Variants in RIMS2 observed in about 807,000 individuals in gnomAD.
RIMS2 encodes the protein regulating synaptic membrane exocytosis protein 2.
RIMS2 carries 59 observed loss-of-function variants against 174.4 expected under a neutral mutation model. The ratio of observed to expected loss-of-function variants is 0.34; its 90% confidence interval spans 0.27 to 0.42. The LOEUF (loss-of-function observed/expected upper bound fraction) is 0.42. RIMS2 is among the 10% of genes least tolerant of loss of function. RIMS2 has a pLI of 1.00. For synonymous variants in RIMS2, 606 were observed against 572.5 expected (o/e 1.06, Z -0.84); for missense variants, 1,620 against 1,666.3 (o/e 0.97, Z 0.48).
At chr8:103,635,694 C>G (rs1219847143) in intron 1 of RIMS2, among the ~76,000 whole-genome samples, 1 of 152,184 alleles carries the variant, frequency 6.6e-6, no homozygotes, top group South Asian at 2.1e-4. Context: ...TGAGGAGGAG[C>G]AGGATCAGTA....
chr8:104,048,305 G>T (rs766804917), intron 19 of RIMS2, among the ~76,000 whole-genome samples: 1 of 152,134 alleles, frequency 6.6e-6, no homozygotes, highest in Non-Finnish European at 1.5e-5. Flanking sequence ...AACAAGAAAT[G>T]CAGTGGTAAG....
intron 19 of RIMS2, among the ~76,000 whole-genome samples, chr8:104,052,928 C>T (rs72683175): frequency 0.13 from 19,484 of 152,024 alleles, 1,708 homozygotes; most frequent in Non-Finnish European, 0.19. Context: ...AAAGATGAGC[C>T]GGCAAAGTAG....
intron 19 of RIMS2, among the ~76,000 whole-genome samples, chr8:104,153,620 G>A (rs950275048): frequency 6.6e-6 from 1 of 152,114 alleles, no homozygotes; most frequent in Non-Finnish European, 1.5e-5. Context: ...AGCTAAGGAT[G>A]TAATTTAGGA....
intron 19 of RIMS2, among the ~76,000 whole-genome samples, chr8:104,219,042 C>A (rs1424319053): frequency 6.6e-6 from 1 of 152,164 alleles, no homozygotes; most frequent in Non-Finnish European, 1.5e-5. Context: ...ATTTAAAACT[C>A]TGGTGATTTT....
chr8:104,093,842 A>G (rs1055361371), intron 19 of RIMS2, among the ~76,000 whole-genome samples, 199 bp downstream of exon 24: 9 of 152,108 alleles, frequency 5.9e-5, no homozygotes, highest in Non-Finnish European at 1.3e-4. Context: ...ATGTTATGAA[A>G]CTATGGATAA....
intron 14 of RIMS2, among the ~76,000 whole-genome samples, 174 bp from the exon 17 acceptor site, chr8:103,960,891 A>G (rs981771497): frequency 6.6e-6 from 1 of 152,178 alleles, no homozygotes; most frequent in Non-Finnish European, 1.5e-5. Context: ...TCCTCACGTC[A>G]TGAAATGCAT....
At chr8:104,013,700 C>G in intron 18 of RIMS2, 79 bp downstream of exon 20, 1 of 1,159,658 alleles carries the variant, frequency 8.6e-7, no homozygotes, top group South Asian at 1.3e-5. Flanking sequence ...GTTAACTGGT[C>G]TCTTCTATCA....
chr8:104,064,941 A>G (rs973115034), intron 19 of RIMS2, among the ~76,000 whole-genome samples: 3 of 152,066 alleles, frequency 2.0e-5, no homozygotes, highest in Non-Finnish European at 4.4e-5. Flanking sequence ...ACCATATCAA[A>G]CCACTAAGAA....
At chr8:104,145,771 G>A (rs1275975383) in intron 19 of RIMS2, among the ~76,000 whole-genome samples, 1 of 151,870 alleles carries the variant, frequency 6.6e-6, no homozygotes. Context: ...GCTGCGACAG[G>A]AGAATCACTT....
At chr8:103,626,363 G>A (rs1187287894) in intron 1 of RIMS2, among the ~76,000 whole-genome samples, 2 of 151,974 alleles carry the variant, frequency 1.3e-5, no homozygotes, top group Admixed American at 1.3e-4. Context: ...AAAATGAATA[G>A]GGCAGTCATT....
At chr8:103,775,305 A>G (rs1342986811) in intron 3 of RIMS2, among the ~76,000 whole-genome samples, 4 of 152,154 alleles carry the variant, frequency 2.6e-5, no homozygotes, top group Non-Finnish European at 5.9e-5. Flanking sequence ...AAGGGAAATA[A>G]TTTGTAAAAG....
chr8:103,833,075 C>A (rs1464318396), intron 3 of RIMS2, among the ~76,000 whole-genome samples: 1 of 152,088 alleles, frequency 6.6e-6, no homozygotes, highest in South Asian at 2.1e-4. Context: ...CTGAAAAAAT[C>A]TTTTCTTAGT....
intron 3 of RIMS2, among the ~76,000 whole-genome samples, chr8:103,839,163 T>C (rs1349241479): frequency 6.6e-6 from 1 of 152,236 alleles, no homozygotes; most frequent in Non-Finnish European, 1.5e-5. Context: ...TGTGTTATTT[T>C]AAAGCTCTTC....
intron 12 of RIMS2, 103 bp from the exon 15 acceptor site, chr8:103,936,448 A>G (rs911878436): frequency 9.0e-6 from 6 of 669,256 alleles, no homozygotes; most frequent in Non-Finnish European, 9.6e-6. Flanking sequence ...ATTTTATGGT[A>G]AAACTTCACC....
Position 103,621,979 on chromosome 8 carries a change from A to C in RIMS2, c.177-75107A>C, listed in dbSNP as rs138090666. 8.5e-5 allele frequency among the ~76,000 whole-genome samples: 13 copies of C among 152,304 alleles called. No homozygotes were observed. In the East Asian group the frequency reaches 2.5e-3, roughly 29 times the overall value. On this transcript the variant is annotated intron_variant, in intron 1 of 23. Transcript: ENST00000504942. Reference sequence around the variant, plus strand: ...AATTGGTTCCAAAATGATATATTTAATGCTTGTGTGTATAAAAATAATCCA... The same window carrying C: ...AATTGGTTCCAAAATGATATATTTACTGCTTGTGTGTATAAAAATAATCCA...
chr8:103,950,117 G>A lies in RIMS2; in HGVS notation c.2701+7191G>A, dbSNP rs149960010. ...GTAGCCCAATATCTATTTGAGAAAT[G>A]GAATTTGTAGCTAAAAATTTTCCCT... On this transcript the variant is annotated intron_variant, in intron 14 of 23. Coordinates refer to ENST00000504942, the Ensembl canonical transcript of RIMS2. Among the ~76,000 whole-genome samples, 513 of 152,212 alleles carry A rather than the reference G, an allele frequency of 3.4e-3. 2 individuals are homozygous for A. The highest frequency in any genetic ancestry group is 0.011 in the African/African-American group (477 of 41,544).
chr8:103,848,092 G>C (rs1184110502), intron 3 of RIMS2, among the ~76,000 whole-genome samples: 2 of 151,940 alleles, frequency 1.3e-5, no homozygotes, highest in African/African-American at 4.8e-5. Flanking sequence ...AGCAGCCCCT[G>C]ATCAATCAGC....
At chr8:103,815,702 T>TA (rs2098714308) in intron 3 of RIMS2, among the ~76,000 whole-genome samples, 1 of 152,144 alleles carries the variant, frequency 6.6e-6, no homozygotes, top group South Asian at 2.1e-4. Context: ...ACAAAGAAAA[T>TA]ATAAATATTT....
rs371661028 is a variant in RIMS2 at position 103,797,996 on chromosome 8, A to G, written c.698+31459A>G. Among the ~76,000 whole-genome samples, 9 of 152,156 alleles carry G rather than the reference A, an allele frequency of 5.9e-5. No individual in the cohort carries two copies. In the East Asian group the frequency reaches 7.7e-4, roughly 13 times the overall value. The stretch of plus-strand genomic sequence containing the variant: ...TTTGAGGCTTTCTATGTGATAGCTC[A>G]TATACTGTGCTGCCCAATGCTTGTT... On this transcript the variant is annotated intron_variant, in intron 3 of 23. Coordinates refer to ENST00000504942, the Ensembl canonical transcript of RIMS2.
Sources: gnomAD v4.1 joint callset for allele counts (sites outside exome capture counted in the v4.1 genomes callset) on GRCh38, gnomAD v4.1.1 for gene constraint, MANE v1.5 for transcripts, NCBI Gene and HGNC (gene_info 2026-07-23, HGNC 2026-07-21) for gene names.